EPHA4: variants seen among roughly 807,000 people sequenced by gnomAD.
The protein encoded by EPHA4 is EPH receptor A4.
Under a neutral mutation model 108.3 loss-of-function variants are expected in EPHA4, and 19 were observed. That is an observed-to-expected ratio of 0.18 (90% CI 0.12 to 0.26). The LOEUF (loss-of-function observed/expected upper bound fraction) is 0.26, where lower values mean the gene tolerates loss of function less well. Ranked by LOEUF, EPHA4 falls within the 10% of genes least tolerant of loss-of-function variation. The probability of loss-of-function intolerance (pLI) is 1.00; values close to 1 mark genes in which losing one functional copy is unlikely to be tolerated. For missense variants in EPHA4, 917 were observed against 1,254.0 expected, an observed-to-expected ratio of 0.73 and a Z score of 4.06; for synonymous variants, 449 against 455.5, an observed-to-expected ratio of 0.99 and a Z score of 0.18.
At chr2:221,522,223 T>C (rs78649383) in intron 3 of EPHA4, among the ~76,000 whole-genome samples, 146 of 152,338 alleles carry the variant, frequency 9.6e-4, no homozygotes, top group Non-Finnish European at 1.7e-3. Context: ...ACATTCATCG[T>C]TGAAGAACGG....
intron 5 of EPHA4, among the ~76,000 whole-genome samples, chr2:221,480,630 GACTGCGAACA>G (rs1377458431): frequency 1.3e-5 from 2 of 152,140 alleles, no homozygotes; most frequent in African/African-American, 2.4e-5. Context: ...TAAAACTAAT[GACTGCGAACA>G]GTGTTCACAA....
intron 14 of EPHA4, among the ~76,000 whole-genome samples, chr2:221,433,494 T>G (rs533343007): frequency 2.0e-5 from 3 of 152,180 alleles, no homozygotes; most frequent in Non-Finnish European, 4.4e-5. Context: ...ATCAATGCTT[T>G]CTTTTATTTT....
intron 5 of EPHA4, among the ~76,000 whole-genome samples, chr2:221,466,783 T>A (rs916871005): frequency 7.2e-5 from 11 of 152,202 alleles, no homozygotes; most frequent in African/African-American, 2.7e-4. Context: ...TTGAATAACT[T>A]GCTCCAAGTT....
intron 11 of EPHA4, among the ~76,000 whole-genome samples, chr2:221,439,416 A>C (rs1429759817): frequency 1.3e-5 from 2 of 151,052 alleles, no homozygotes; most frequent in Non-Finnish European, 2.9e-5. Context: ...GAATCACTTG[A>C]GCCCAGGAGG....
intron 3 of EPHA4, among the ~76,000 whole-genome samples, chr2:221,545,594 C>T (rs1244100996): frequency 6.6e-6 from 1 of 152,176 alleles, no homozygotes; most frequent in Admixed American, 6.5e-5. Flanking sequence ...TCCTGCCATG[C>T]CAAACCCCTA....
intron 5 of EPHA4, among the ~76,000 whole-genome samples, chr2:221,458,287 C>G (rs1344199265): frequency 1.3e-5 from 2 of 152,164 alleles, no homozygotes; most frequent in African/African-American, 2.4e-5. Context: ...GCTGTAGGTA[C>G]AGAGAAGGCT....
intron 17 of EPHA4, among the ~76,000 whole-genome samples, chr2:221,422,529 T>G (rs1392248968): frequency 1.3e-5 from 2 of 152,202 alleles, no homozygotes; most frequent in African/African-American, 2.4e-5. Flanking sequence ...ATTTGGGGAC[T>G]TGGTGTGTAT....
intron 3 of EPHA4, among the ~76,000 whole-genome samples, chr2:221,522,694 G>C (rs1397388331): frequency 2.0e-5 from 3 of 151,878 alleles, no homozygotes; most frequent in Non-Finnish European, 4.4e-5. Context: ...TATGTCAAAA[G>C]CAACTTGCCA....
upstream of EPHA4, chr2:221,573,817 C>A (rs1202051057): frequency 1.3e-5 from 2 of 152,278 alleles, no homozygotes; most frequent in Non-Finnish European, 2.9e-5. The surrounding 1 kb of genome is among the most constrained non-coding windows in gnomAD (Gnocchi z 4.5). Flanking sequence ...TTTTCAGCCA[C>A]CGCCAAGTCT....
chr2:221,529,157 T>C (rs1248526997), intron 3 of EPHA4, among the ~76,000 whole-genome samples: 7 of 152,178 alleles, frequency 4.6e-5, no homozygotes, highest in African/African-American at 1.7e-4. Flanking sequence ...TTCTATAATT[T>C]ACATACATGA....
intron 3 of EPHA4, among the ~76,000 whole-genome samples, chr2:221,536,480 A>C (rs1357154378): frequency 1.3e-5 from 2 of 152,124 alleles, no homozygotes; most frequent in African/African-American, 4.8e-5. Context: ...TGTTTCCCCA[A>C]ATCCTCATTA....
At chr2:221,497,685 G>A (rs949792505) in intron 4 of EPHA4, among the ~76,000 whole-genome samples, 8 of 150,948 alleles carry the variant, frequency 5.3e-5, no homozygotes, top group South Asian at 2.1e-4. Context: ...GCAGTGAGCC[G>A]AGATCACACC....
intron 3 of EPHA4, among the ~76,000 whole-genome samples, chr2:221,543,941 G>A (rs1485320777): frequency 6.6e-6 from 1 of 152,144 alleles, no homozygotes; most frequent in Non-Finnish European, 1.5e-5. Flanking sequence ...CTGGAGGCTG[G>A]AAAGTACGAG....
At chr2:221,563,621 C>G (rs1694532303) in intron 3 of EPHA4, 110 bp downstream of exon 3, 2 of 1,312,262 alleles carry the variant, frequency 1.5e-6, no homozygotes, top group Non-Finnish European at 2.1e-6. Flanking sequence ...TGTGTCCCAC[C>G]ACATCCCACA....
At chr2:221,452,024 G>T (rs190433687) in intron 8 of EPHA4, among the ~76,000 whole-genome samples, 1 of 152,224 alleles carries the variant, frequency 6.6e-6, no homozygotes, top group South Asian at 2.1e-4. Flanking sequence ...TACCAACTGT[G>T]AGCCTGAGGC....
chr2:221,486,627 G>C (rs1167099997), intron 4 of EPHA4, among the ~76,000 whole-genome samples: 1 of 151,750 alleles, frequency 6.6e-6, no homozygotes, highest in African/African-American at 2.4e-5. Flanking sequence ...CCAGCTACTT[G>C]GGAGGCTGAG....
chr2:221,456,727 T>C lies in EPHA4; in HGVS notation c.1489A>G (p.Asn497Asp), dbSNP rs757905726. Residue 497 changes from asparagine to aspartate, a missense_variant, in exon 7 of 18, where the codon AAC becomes GAC. Transcript: ENST00000281821. ...GGGTTCAGGCCTTTGATATCTGTGT[T>C]CCTGGCAGCTGTCCGAACTATACGA... ...SYRIVRTAAR[N>D]TDIKGLNPLT... 1 of 1,613,982 alleles carries C rather than the reference T, an allele frequency of 6.2e-7. No homozygotes were observed. Among genetic ancestry groups the C allele is most frequent in the Non-Finnish European group, 8.5e-7 (1 of 1,179,912 alleles).
rs906710522 is a variant in EPHA4 at position 221,419,790 on chromosome 2, C to T, written c.*1582G>A. The T allele has an allele frequency of 6.6e-6, 1 of 152,272 alleles. No homozygotes were observed. The highest frequency in any genetic ancestry group is 2.4e-5 in the African/African-American group (1 of 41,300). The allele number at this position is 152,272 out of a possible 1,614,324, so 9.4% of individuals were successfully genotyped here. A position where few individuals can be genotyped will look rare whatever the true frequency, so the allele number is the denominator to read the frequency against. ...TGTAGATACAGGATGCTGAACATCT[C>T]TGGGTTGTCTTTCCAAGGGGATGGT... On this transcript the variant is annotated 3_prime_UTR_variant, in exon 18 of 18. Coordinates refer to ENST00000281821, the MANE Select transcript of EPHA4 (RefSeq NM_004438.5).
chr2:221,469,644 G>A (rs1174808942), intron 5 of EPHA4, among the ~76,000 whole-genome samples: 2 of 152,146 alleles, frequency 1.3e-5, no homozygotes, highest in Non-Finnish European at 2.9e-5. Flanking sequence ...CTTCCAAGTT[G>A]AAAGAGTTGG....
Sources: allele counts gnomAD v4.1 joint callset (sites outside exome capture counted in the v4.1 genomes callset), GRCh38; gene constraint gnomAD v4.1.1; non-coding constraint Gnocchi (gnomAD v3.1); transcripts MANE v1.5; gene names NCBI Gene and HGNC (gene_info 2026-07-23, HGNC 2026-07-21).